Variants in MND1 observed in about 807,000 individuals in gnomAD.
MND1 encodes meiotic nuclear division protein 1 homolog.
MND1 carries 28 observed loss-of-function variants against 35.1 expected under a neutral mutation model. That is an observed-to-expected ratio of 0.80 (90% confidence interval 0.59 to 1.09). The LOEUF is 1.09. Among genes scored for constraint, MND1 ranks in the 50% least tolerant of loss-of-function variants. MND1 has a pLI of 0.00. For synonymous variants in MND1, 69 were observed against 70.5 expected, an observed-to-expected ratio of 0.98 and a Z score of 0.11; for missense variants, 213 against 239.6, an observed-to-expected ratio of 0.89 and a Z score of 0.73.
chr4:153,363,901 T>C (rs1436013616), intron 4 of MND1, among the ~76,000 whole-genome samples: 1 of 152,110 alleles, frequency 6.6e-6, no homozygotes, highest in Non-Finnish European at 1.5e-5. Context: ...AGGACCCATA[T>C]TGAGGTATCT....
chr4:153,355,487 T>C (rs1241011256), intron 2 of MND1, among the ~76,000 whole-genome samples, 167 bp from the exon 3 acceptor site: 1 of 152,148 alleles, frequency 6.6e-6, no homozygotes, highest in African/African-American at 2.4e-5. Flanking sequence ...ATACCCTAAT[T>C]ACCACAATTT....
rs569447133 is a variant in MND1, at chr4:153,379,332, A to G, written c.277-14930A>G. 1.3e-3 allele frequency among the ~76,000 whole-genome samples: 194 copies of G among 151,498 alleles called. 3 individuals are homozygous for G. Among genetic ancestry groups the G allele is most frequent in the Non-Finnish European group, 1.1e-3 (78 of 67,880 alleles). On this transcript the variant is annotated intron_variant, in intron 4 of 7. Coordinates refer to ENST00000240488, the MANE Select transcript of MND1 (RefSeq NM_032117.4). ...AGAAGAAGAAGAAGAAAAGAAAAAAAAAAAGAAACCACAAAAGCTACATAT... is the reference window on the plus strand; with the variant it reads ...AGAAGAAGAAGAAGAAAAGAAAAAAGAAAAGAAACCACAAAAGCTACATAT...
intron 4 of MND1, among the ~76,000 whole-genome samples, chr4:153,388,065 A>C (rs1728916357): frequency 6.6e-6 from 1 of 152,214 alleles, no homozygotes; most frequent in Admixed American, 6.5e-5. Flanking sequence ...TCTTATGAAT[A>C]GTCAGTTCCT....
intron 4 of MND1, among the ~76,000 whole-genome samples, chr4:153,385,795 C>A (rs926028065): frequency 4.0e-5 from 6 of 151,732 alleles, no homozygotes; most frequent in African/African-American, 1.2e-4. Flanking sequence ...CATTTCTCTG[C>A]ATTTATCTTG....
intron 4 of MND1, among the ~76,000 whole-genome samples, chr4:153,390,138 A>AT (rs1728980315): frequency 6.6e-6 from 1 of 151,232 alleles, no homozygotes; most frequent in South Asian, 2.1e-4. Flanking sequence ...CATTTGGTTT[A>AT]TTTCCAAGGT....
chr4:153,344,805 G>C, intron 1 of MND1, 65 bp downstream of exon 1: 1 of 1,576,920 alleles, frequency 6.3e-7, no homozygotes, highest in Non-Finnish European at 8.6e-7. Context: ...GCCGCCCCTC[G>C]GCTGCATGTG....
chr4:153,360,824 C>CAT (rs959709698), intron 4 of MND1, among the ~76,000 whole-genome samples: 3 of 151,288 alleles, frequency 2.0e-5, no homozygotes, highest in African/African-American at 4.9e-5. Flanking sequence ...CATATATACA[C>CAT]ATATATATAC....
chr4:153,367,751 G>A (rs1161531740), intron 4 of MND1, among the ~76,000 whole-genome samples: 3 of 152,184 alleles, frequency 2.0e-5, no homozygotes, highest in African/African-American at 7.2e-5. Flanking sequence ...TTAATTATGT[G>A]AAGAACTGCC....
chr4:153,361,082 A>G (rs1322832836), intron 4 of MND1, among the ~76,000 whole-genome samples: 1 of 152,058 alleles, frequency 6.6e-6, no homozygotes, highest in Non-Finnish European at 1.5e-5. Flanking sequence ...CAAGTGATCC[A>G]CCTACCTCAG....
At chr4:153,376,990 G>A (rs1561066101) in intron 4 of MND1, among the ~76,000 whole-genome samples, 1 of 152,134 alleles carries the variant, frequency 6.6e-6, no homozygotes, top group Non-Finnish European at 1.5e-5. Flanking sequence ...TTATTAATAT[G>A]GCAGCAAGTC....
chr4:153,371,526 T>C (rs1773789087), intron 4 of MND1, among the ~76,000 whole-genome samples: 1 of 152,112 alleles, frequency 6.6e-6, no homozygotes, highest in African/African-American at 2.4e-5. Flanking sequence ...AGATGGCCTC[T>C]TTCCTTAAAC....
intron 6 of MND1, among the ~76,000 whole-genome samples, chr4:153,408,399 T>C (rs1420465653): frequency 1.3e-5 from 2 of 152,228 alleles, no homozygotes; most frequent in African/African-American, 4.8e-5. Context: ...CCATTAATCA[T>C]GGCATTGTTA....
intron 1 of MND1, 72 bp downstream of exon 1, chr4:153,344,812 T>C: frequency 6.4e-7 from 1 of 1,569,578 alleles, no homozygotes; most frequent in South Asian, 1.2e-5. Flanking sequence ...CTCGGCTGCA[T>C]GTGGATCCCG....
chr4:153,344,896 C>T (rs1400532268), intron 1 of MND1, among the ~76,000 whole-genome samples, 156 bp downstream of exon 1: 3 of 152,144 alleles, frequency 2.0e-5, no homozygotes, highest in Admixed American at 1.3e-4. Context: ...AGGGGCCCAG[C>T]CCGGCCCCGC....
Sources: gnomAD v4.1 joint callset for allele counts (sites outside exome capture counted in the v4.1 genomes callset) on GRCh38, gnomAD v4.1.1 for gene constraint, MANE v1.5 for transcripts, NCBI Gene and HGNC (gene_info 2026-07-23, HGNC 2026-07-21) for gene names.